AGBL1: variants seen among roughly 807,000 people sequenced by gnomAD.
AGBL1 encodes the protein cytosolic carboxypeptidase 4.
Under a neutral mutation model 118.9 loss-of-function variants are expected in AGBL1, and 130 were observed. The ratio of observed to expected loss-of-function variants is 1.09; its 90% CI spans 0.95 to 1.26. The LOEUF (loss-of-function observed/expected upper bound fraction) is 1.26, where lower values mean the gene tolerates loss of function less well. Ranked by LOEUF, AGBL1 falls within the 50% of genes most tolerant of loss-of-function variation. AGBL1 has a pLI of 0.00. For missense variants in AGBL1, 1,584 were observed against 1,298.1 expected, an observed-to-expected ratio of 1.22 and a Z score of -3.38; for synonymous variants, 555 against 478.9, an observed-to-expected ratio of 1.16 and a Z score of -2.08.
chr15:86,828,135 G>T (rs72627215), intron 22 of AGBL1, among the ~76,000 whole-genome samples: 1 of 151,092 alleles, frequency 6.6e-6, no homozygotes, highest in Non-Finnish European at 1.5e-5. Context: ...AGAGACGGGG[G>T]TCTCACTTTG....
intron 22 of AGBL1, among the ~76,000 whole-genome samples, chr15:86,745,734 T>C (rs1031776014): frequency 6.6e-6 from 1 of 152,110 alleles, no homozygotes; most frequent in East Asian, 1.9e-4. Context: ...GTCTTTGGTG[T>C]ATAAGCCTCT....
At chr15:86,358,823 T>C (rs1377109358) in intron 17 of AGBL1, among the ~76,000 whole-genome samples, 1 of 152,090 alleles carries the variant, frequency 6.6e-6, no homozygotes, top group Non-Finnish European at 1.5e-5. Context: ...ACGTTTTTTC[T>C]TGAGAAATGT....
At chr15:86,146,609 A>G (rs1040906675) in intron 3 of AGBL1, among the ~76,000 whole-genome samples, 2 of 152,190 alleles carry the variant, frequency 1.3e-5, no homozygotes, top group African/African-American at 2.4e-5. Context: ...AAAGAGAGAG[A>G]TGAGAGATAC....
chr15:86,125,675 C>T (rs547712033), intron 1 of AGBL1, among the ~76,000 whole-genome samples: 1 of 152,298 alleles, frequency 6.6e-6, no homozygotes, highest in South Asian at 2.1e-4. Context: ...ATTTAAAACT[C>T]ATCCCTCTTC....
chr15:86,716,832 T>G (rs1194605443), intron 22 of AGBL1, among the ~76,000 whole-genome samples: 2 of 152,122 alleles, frequency 1.3e-5, no homozygotes, highest in African/African-American at 4.8e-5. Flanking sequence ...CCAAATGAGG[T>G]GGGGAGGTTA....
rs114068062 is a variant in AGBL1, at chr15:86,430,630, C to T, written c.2555+33084C>T. Among the ~76,000 whole-genome samples the T allele has an allele frequency of 8.0e-3, 1,210 of 152,116 alleles. 18 individuals carry two copies. Among genetic ancestry groups the T allele is most frequent in the African/African-American group, 0.028 (1,142 of 41,498 alleles). ...GAAAGAGAGACCCAGAAGAACTAAC[C>T]ACACTGCACATAGGATAGATGCTTT... On this transcript the variant is annotated intron_variant, in intron 18 of 22. Coordinates refer to ENST00000614907, the MANE Select transcript of AGBL1 (RefSeq NM_001386094.1).
chr15:87,026,517 G>T (rs1208393765), intron 24 of AGBL1, among the ~76,000 whole-genome samples: 1 of 152,050 alleles, frequency 6.6e-6, no homozygotes, highest in Non-Finnish European at 1.5e-5. Context: ...CATGGATGTG[G>T]TGAACAGGGA....
At chr15:86,597,605 G>A (rs2084430755) in intron 21 of AGBL1, among the ~76,000 whole-genome samples, 2 of 152,274 alleles carry the variant, frequency 1.3e-5, no homozygotes, top group Non-Finnish European at 1.5e-5. Context: ...CAAGAGGATA[G>A]TTAAGATGGA....
intron 24 of AGBL1, among the ~76,000 whole-genome samples, chr15:87,020,046 C>T (rs1392253914): frequency 1.5e-5 from 2 of 135,742 alleles, no homozygotes; most frequent in Non-Finnish European, 3.1e-5. Flanking sequence ...ATGCACCCAC[C>T]CAAGACTGAA....
At chr15:86,873,968 G>T (rs1407099674) in intron 22 of AGBL1, among the ~76,000 whole-genome samples, 2 of 152,042 alleles carry the variant, frequency 1.3e-5, no homozygotes, top group African/African-American at 4.8e-5. Flanking sequence ...TCAAAACTTG[G>T]CTCTATTACC....
intron 22 of AGBL1, among the ~76,000 whole-genome samples, chr15:86,830,196 T>C (rs1309777883): frequency 6.6e-6 from 1 of 151,970 alleles, no homozygotes; most frequent in African/African-American, 2.4e-5. Flanking sequence ...ATTTGATGAA[T>C]TTTTTTTACC....
chr15:86,472,698 C>T (rs1191689367), intron 18 of AGBL1, among the ~76,000 whole-genome samples: 2 of 152,182 alleles, frequency 1.3e-5, no homozygotes, highest in African/African-American at 4.8e-5. Flanking sequence ...ATGGGTGGAT[C>T]ACCTGAGGTC....
rs1262086424 is a variant in AGBL1, at chr15:86,124,391, A to T, written c.52-17613A>T. ...ATCCCAAAAAACAAAATACCAAAAA[A>T]ATCAATAATGTACCAATGTCAGTTT... On this transcript the variant is annotated intron_variant, in intron 1 of 22. Transcript: ENST00000614907. Among the ~76,000 whole-genome samples, 10 of 151,970 alleles carry T rather than the reference A, an allele frequency of 6.6e-5. No individual in the cohort carries two copies. In the East Asian group the frequency reaches 1.3e-3, roughly 20 times the overall value.
At chr15:86,934,427 C>T (rs886446055) in intron 23 of AGBL1, among the ~76,000 whole-genome samples, 8 of 152,016 alleles carry the variant, frequency 5.3e-5, no homozygotes, top group African/African-American at 1.9e-4. Context: ...AACTATATTC[C>T]CTCATCTGAA....
At chr15:86,775,986 C>T (rs760169938) in intron 22 of AGBL1, among the ~76,000 whole-genome samples, 9 of 152,060 alleles carry the variant, frequency 5.9e-5, no homozygotes, top group Non-Finnish European at 1.2e-4. Flanking sequence ...CTTTGCTAGA[C>T]GTAAGTGGGT....
rs2085438714 is a variant in AGBL1 at position 86,654,917 on chromosome 15, G to T, written c.2995-19356G>T. Among the ~76,000 whole-genome samples the T allele has an allele frequency of 1.3e-5, 2 of 152,098 alleles. 1 individual carries two copies. Among genetic ancestry groups the T allele is most frequent in the Admixed American group, 1.3e-4 (2 of 15,258 alleles). ...GATTGCCACTCTGGAATCTCTCTCA[G>T]TAGGGTTATGCTCTTTTATAATGTA... On this transcript the variant is annotated intron_variant, in intron 21 of 22. Transcript: ENST00000614907.
intron 18 of AGBL1, among the ~76,000 whole-genome samples, chr15:86,432,400 T>C (rs1171744076): frequency 6.6e-6 from 1 of 152,186 alleles, no homozygotes; most frequent in Non-Finnish European, 1.5e-5. Flanking sequence ...GGAGTCCTGG[T>C]CAGATATTTT....
At chr15:86,666,721 T>G (rs923097954) in intron 21 of AGBL1, among the ~76,000 whole-genome samples, 1 of 152,214 alleles carries the variant, frequency 6.6e-6, no homozygotes, top group Non-Finnish European at 1.5e-5. Context: ...ACTACTGATC[T>G]CAATTTATAT....
At chr15:86,209,388 G>A (rs192193521) in intron 5 of AGBL1, among the ~76,000 whole-genome samples, 31 of 152,180 alleles carry the variant, frequency 2.0e-4, no homozygotes, top group South Asian at 1.2e-3. Flanking sequence ...CTTCTGTCTC[G>A]TTGATCTGTC....
Sources: allele counts gnomAD v4.1 joint callset (sites outside exome capture counted in the v4.1 genomes callset), GRCh38; gene constraint gnomAD v4.1.1; transcripts MANE v1.5; gene names NCBI Gene and HGNC (gene_info 2026-07-23, HGNC 2026-07-21).